SMOC1: variants seen among roughly 807,000 people sequenced by gnomAD.
The protein encoded by SMOC1 is SPARC related modular calcium binding 1, also known as SPARC-related modular calcium-binding protein 1.
SMOC1 carries 22 observed loss-of-function variants against 56.3 expected under a neutral mutation model. The ratio of observed to expected loss-of-function variants is 0.39; its 90% confidence interval spans 0.28 to 0.56. The LOEUF is 0.56. Ranked by LOEUF, SMOC1 falls within the 20% of genes least tolerant of loss-of-function variation. The probability of loss-of-function intolerance (pLI) is 0.61; values close to 1 mark genes in which losing one functional copy is unlikely to be tolerated. For missense variants in SMOC1, 509 were observed against 565.4 expected (o/e 0.90, Z 1.01); for synonymous variants, 193 against 215.0 (o/e 0.90, Z 0.89).
chr14:70,004,668 G>A (rs1885085063), intron 7 of SMOC1, among the ~76,000 whole-genome samples: 1 of 152,118 alleles, frequency 6.6e-6, no homozygotes, highest in Non-Finnish European at 1.5e-5. Flanking sequence ...TAATTACATA[G>A]CCAATTCCTT....
At chr14:69,884,589 T>C (rs1396902206) in intron 1 of SMOC1, among the ~76,000 whole-genome samples, 1 of 152,204 alleles carries the variant, frequency 6.6e-6, no homozygotes, top group Non-Finnish European at 1.5e-5. Context: ...AAGTCTTTAA[T>C]TCATTTGAGT....
chr14:70,025,461 T>C (rs1410603858), intron 11 of SMOC1, among the ~76,000 whole-genome samples: 1 of 152,174 alleles, frequency 6.6e-6, no homozygotes, highest in African/African-American at 2.4e-5. Context: ...TTCATTACTC[T>C]GGGCATGCCT....
At chr14:69,912,192 T>C (rs964708959) in intron 1 of SMOC1, among the ~76,000 whole-genome samples, 22 of 152,200 alleles carry the variant, frequency 1.4e-4, no homozygotes, top group Admixed American at 1.2e-3. Flanking sequence ...CACAAGTATA[T>C]TGAATTGTAT....
chr14:69,965,158 A>T lies in SMOC1; in HGVS notation c.379-10557A>T, dbSNP rs191736083. ...TTTGGGAGGCCGAGGTGGGTGAATC[A>T]CCTGAGGTCAGGAGATCAAGACCAG... On this transcript the variant is annotated intron_variant, in intron 3 of 11. Coordinates refer to ENST00000361956, the MANE Select transcript of SMOC1 (RefSeq NM_001034852.3). 6.8e-3 allele frequency among the ~76,000 whole-genome samples: 1,033 copies of T among 152,156 alleles called. 12 individuals carry two copies. The highest frequency in any genetic ancestry group is 8.7e-3 in the Non-Finnish European group (592 of 67,992).
chr14:69,962,163 C>CT (rs988878347), intron 3 of SMOC1, among the ~76,000 whole-genome samples: 28 of 149,330 alleles, frequency 1.9e-4, no homozygotes, highest in Admixed American at 3.3e-4. Context: ...GACTCTCTCT[C>CT]TTTTTTTTTT....
chr14:69,990,142 C>A (rs1884509950), intron 5 of SMOC1, among the ~76,000 whole-genome samples: 1 of 152,166 alleles, frequency 6.6e-6, no homozygotes, highest in Non-Finnish European at 1.5e-5. Context: ...CTGTGGAGGT[C>A]CTTGACCTGC....
chr14:69,895,490 A>G (rs1263176320), intron 1 of SMOC1, among the ~76,000 whole-genome samples: 1 of 152,206 alleles, frequency 6.6e-6, no homozygotes, highest in Non-Finnish European at 1.5e-5. Context: ...TCGACATGAT[A>G]GTTTCCTAGG....
intron 3 of SMOC1, among the ~76,000 whole-genome samples, chr14:69,964,998 A>G (rs939908699): frequency 2.0e-5 from 3 of 152,184 alleles, no homozygotes; most frequent in Admixed American, 6.5e-5. Flanking sequence ...CATATTCAGG[A>G]GGGTGACTCA....
chr14:69,980,377 G>A (rs1373116807), intron 5 of SMOC1, among the ~76,000 whole-genome samples: 1 of 152,172 alleles, frequency 6.6e-6, no homozygotes, highest in South Asian at 2.1e-4. Flanking sequence ...TCAGGACAAG[G>A]CTCTGGTGGG....
chr14:69,931,736 AG>A (rs1192427531), intron 1 of SMOC1, among the ~76,000 whole-genome samples: 45 of 152,358 alleles, frequency 3.0e-4, no homozygotes, highest in African/African-American at 1.0e-3. Context: ...CCTGAAAATC[AG>A]GGGATGTGGC....
intron 6 of SMOC1, chr14:69,994,171 C>T: frequency 1.7e-6 from 1 of 598,842 alleles, no homozygotes; most frequent in Non-Finnish European, 3.0e-6. Flanking sequence ...TGCATTCTGA[C>T]CACTCTGCTT....
intron 7 of SMOC1, among the ~76,000 whole-genome samples, chr14:70,003,660 C>T (rs761004271): frequency 8.5e-5 from 13 of 152,152 alleles, no homozygotes; most frequent in Non-Finnish European, 1.6e-4. Flanking sequence ...GAAGGATGTG[C>T]AGAGCCCTAG....
intron 1 of SMOC1, among the ~76,000 whole-genome samples, chr14:69,930,012 G>A (rs764933599): frequency 1.1e-4 from 17 of 152,074 alleles, no homozygotes; most frequent in Non-Finnish European, 2.1e-4. Context: ...CCTCCCCTAG[G>A]GAGGCAGAGA....
chr14:70,026,737 AT>A (rs1476615680), intron 11 of SMOC1, among the ~76,000 whole-genome samples: 1 of 151,934 alleles, frequency 6.6e-6, no homozygotes, highest in Non-Finnish European at 1.5e-5. Context: ...ATGTCTCTGA[AT>A]GTATATACAC....
At chr14:69,919,909 T>TA (rs1566673245) in intron 1 of SMOC1, among the ~76,000 whole-genome samples, 1 of 98,518 alleles carries the variant, frequency 1.0e-5, no homozygotes, top group South Asian at 3.2e-4. Flanking sequence ...TGAACACAAA[T>TA]ACCCCCCCCC....
chr14:69,882,099 G>C (rs1011726803), intron 1 of SMOC1, among the ~76,000 whole-genome samples: 5 of 152,154 alleles, frequency 3.3e-5, no homozygotes, highest in African/African-American at 1.2e-4. Flanking sequence ...TTTGGTGTCT[G>C]TATCACTTAA....
chr14:69,986,357 C>A (rs963839741), intron 5 of SMOC1, among the ~76,000 whole-genome samples: 2 of 152,146 alleles, frequency 1.3e-5, no homozygotes, highest in South Asian at 4.1e-4. Context: ...TGAGTCTACA[C>A]GTGGATAAAA....
intron 3 of SMOC1, among the ~76,000 whole-genome samples, chr14:69,960,810 C>T (rs1883342852): frequency 7.8e-6 from 1 of 128,862 alleles, no homozygotes; most frequent in Non-Finnish European, 1.6e-5. Flanking sequence ...TCTTGGTTTG[C>T]TCAACTGGGA....
intron 7 of SMOC1, among the ~76,000 whole-genome samples, chr14:69,997,700 A>G (rs1021412130): frequency 2.6e-5 from 4 of 152,202 alleles, no homozygotes; most frequent in African/African-American, 4.8e-5. Flanking sequence ...CACTTGTCAC[A>G]TGTTATCATA....
Sources: allele counts gnomAD v4.1 joint callset (sites outside exome capture counted in the v4.1 genomes callset), GRCh38; gene constraint gnomAD v4.1.1; transcripts MANE v1.5; gene names NCBI Gene and HGNC (gene_info 2026-07-23, HGNC 2026-07-21).